Variants in TXNDC11 observed in about 807,000 individuals in gnomAD.
The protein encoded by TXNDC11 is thioredoxin domain containing 11, also known as thioredoxin domain-containing protein 11.
Under a neutral mutation model 78.0 loss-of-function variants are expected in TXNDC11, and 68 were observed. That is an observed-to-expected ratio of 0.87 (90% CI 0.72 to 1.07). The LOEUF is 1.07. Among genes scored for constraint, TXNDC11 ranks in the 50% least tolerant of loss-of-function variants. The pLI, the probability that TXNDC11 is intolerant of heterozygous loss-of-function variation, is 0.00. For missense variants in TXNDC11, 1,389 were observed against 1,221.8 expected (o/e 1.14, Z -2.04); for synonymous variants, 571 against 495.2 (o/e 1.15, Z -2.03).
At chr16:11,697,381 G>C (rs890858458) in intron 7 of TXNDC11, among the ~76,000 whole-genome samples, 2 of 152,136 alleles carry the variant, frequency 1.3e-5, no homozygotes, top group African/African-American at 2.4e-5. Context: ...ATCCTTGAGG[G>C]AGTGAAAAAA....
intron 5 of TXNDC11, among the ~76,000 whole-genome samples, chr16:11,721,091 C>T (rs1339982567): frequency 6.6e-6 from 1 of 151,796 alleles, no homozygotes; most frequent in African/African-American, 2.4e-5. Flanking sequence ...ATATGTGAAA[C>T]AGAACAGTAT....
chr16:11,733,422 G>A (rs548800836), intron 3 of TXNDC11, among the ~76,000 whole-genome samples: 3 of 151,990 alleles, frequency 2.0e-5, no homozygotes, highest in Non-Finnish European at 2.9e-5. Context: ...AACTACTTGG[G>A]AGGCTGAGGC....
chr16:11,740,932 C>T (rs2052372088), intron 1 of TXNDC11, among the ~76,000 whole-genome samples: 1 of 152,166 alleles, frequency 6.6e-6, no homozygotes, highest in Admixed American at 6.5e-5. Flanking sequence ...GGCAATTTTG[C>T]TCCCAGGGGA....
rs766126009 is a variant in TXNDC11 at position 11,736,108 on chromosome 16, A to G, written c.380T>C (p.Val127Ala). The G allele has an allele frequency of 2.5e-6, 4 of 1,614,012 alleles. No individual in the cohort carries two copies. The highest frequency in any genetic ancestry group is 2.2e-5 in the East Asian group (1 of 44,874). ...AGGGGCATAGAAGAAGAGCAGTACC[A>G]CCTCTGAATCCCGTCGAACGTACTC... is the stretch of plus-strand genomic sequence containing the variant. ...YAEYVRRDSEVVLLFFYAPWC... is the reference protein window; with the variant it reads ...YAEYVRRDSEAVLLFFYAPWC... The change falls in exon 2 of 12, where the codon GTG becomes GCG. Residue 127 changes from valine to alanine, a missense_variant. By Grantham distance (64) the Val-to-Ala change is moderately conservative (BLOSUM62 0). Coordinates refer to ENST00000283033, the MANE Select transcript of TXNDC11 (RefSeq NM_015914.7).
Position 11,698,281 on chromosome 16 carries a change from A to G in TXNDC11, c.951T>C (p.Cys317=). The G allele has an allele frequency of 2.5e-6, 4 of 1,614,098 alleles. No individual in the cohort carries two copies. The highest frequency in any genetic ancestry group is 1.1e-5 in the South Asian group (1 of 91,080). Residue 317 remains cysteine (C), a synonymous_variant, in exon 7 of 12, where the codon TGT becomes TGC. Coordinates refer to ENST00000283033, the MANE Select transcript of TXNDC11 (RefSeq NM_015914.7). Reference sequence around the variant, plus strand: ...TCTCCTGGTTTTCTAAGGCCCACTTACAGATGTTCTCAGCTGTGTAGTTCA... The same window carrying G: ...TCTCCTGGTTTTCTAAGGCCCACTTGCAGATGTTCTCAGCTGTGTAGTTCA... ...EVLNYTAENI[C]KWALENQETL... is the part of the protein sequence containing the mutation.
intron 6 of TXNDC11, among the ~76,000 whole-genome samples, chr16:11,700,207 C>A (rs1030737608): frequency 6.6e-6 from 1 of 152,136 alleles, no homozygotes; most frequent in Non-Finnish European, 1.5e-5. Context: ...AAAGTCTGTA[C>A]CAAAATCTAA....
At chr16:11,707,456 T>TC (rs1349596079) in intron 5 of TXNDC11, among the ~76,000 whole-genome samples, 1 of 150,522 alleles carries the variant, frequency 6.6e-6, no homozygotes, top group Non-Finnish European at 1.5e-5. Flanking sequence ...TTTTCCCAAT[T>TC]TTTTTTTTTA....
At chr16:11,680,774 G>A (rs116240650) in intron 11 of TXNDC11, among the ~76,000 whole-genome samples, 3,098 of 152,186 alleles carry the variant, frequency 0.02, 110 homozygotes, top group African/African-American at 0.071. Flanking sequence ...GGACCCGGCC[G>A]TAAATTGTTT....
chr16:11,742,777 C>T lies in TXNDC11; in HGVS notation c.-47G>A, dbSNP rs773998836. The stretch of plus-strand genomic sequence containing the variant: ...TTTATACCGCCGCCGCCGCCTCGGG[C>T]CCGAAGGCCCGGCCCGGCCCGTTGC... On this transcript the variant is annotated 5_prime_UTR_variant, in exon 1 of 12. Transcript: ENST00000283033. 4.8e-5 allele frequency: 68 copies of T among 1,413,010 alleles called. No homozygotes were observed. Among genetic ancestry groups the T allele is most frequent in the Non-Finnish European group, 5.6e-5 (61 of 1,089,752 alleles). 87.5% of individuals were successfully genotyped at this position (1,413,010 alleles called of 1,614,324 possible).
At chr16:11,733,482 G>A (rs1056019541) in intron 3 of TXNDC11, among the ~76,000 whole-genome samples, 4 of 151,606 alleles carry the variant, frequency 2.6e-5, no homozygotes, top group East Asian at 1.9e-4. Flanking sequence ...AGCGGAGATC[G>A]CGCCACTGCA....
intron 5 of TXNDC11, among the ~76,000 whole-genome samples, chr16:11,706,081 G>C (rs1218988821): frequency 2.0e-5 from 3 of 151,986 alleles, no homozygotes; most frequent in Admixed American, 6.6e-5. Context: ...TACTCAAAAA[G>C]GTCTAAAAAC....
At chr16:11,694,364 T>C (rs576024045) in intron 7 of TXNDC11, among the ~76,000 whole-genome samples, 17 of 152,248 alleles carry the variant, frequency 1.1e-4, no homozygotes, top group African/African-American at 3.6e-4. Flanking sequence ...GGTCTCGAAC[T>C]CCTGACCTCA....
rs201691862 is a variant in TXNDC11 at position 11,691,602 on chromosome 16, G to C, written c.1588C>G (p.Pro530Ala). The C allele has an allele frequency of 1.6e-4, 255 of 1,614,036 alleles. No homozygotes were observed. In the Admixed American group the frequency reaches 4.1e-3, roughly 26 times the overall value. Residue 530 changes from proline (P) to alanine (A), a missense_variant, in exon 8 of 12, where the codon CCT becomes GCT. Physicochemically the swap from Pro to Ala is conservative, Grantham distance 27. Coordinates refer to ENST00000283033, the MANE Select transcript of TXNDC11 (RefSeq NM_015914.7). Reference protein sequence around the residue: ...IDSEQGVFEAPTVAFSSLEKK... With the variant: ...IDSEQGVFEAATVAFSSLEKK... Reference sequence around the variant, plus strand: ...TCAAGGGAAGAAAATGCAACAGTAGGGGCTTCAAAGACACCTTGTTCAGAG... The same window carrying C: ...TCAAGGGAAGAAAATGCAACAGTAGCGGCTTCAAAGACACCTTGTTCAGAG...
At chr16:11,732,373 T>G (rs2052081804) in intron 3 of TXNDC11, among the ~76,000 whole-genome samples, 1 of 152,166 alleles carries the variant, frequency 6.6e-6, no homozygotes. Flanking sequence ...ATGCCTTTTT[T>G]CAAAGCCAAA....
At chr16:11,721,446 AT>A in intron 5 of TXNDC11, 130 bp downstream of exon 5, 2 of 536,110 alleles carry the variant, frequency 3.7e-6, no homozygotes, top group South Asian at 4.0e-5. Context: ...CTAAAAAAAA[AT>A]AAAATAAATA....
chr16:11,691,351 G>T lies in TXNDC11; in HGVS notation c.1839C>A (p.Asp613Glu), dbSNP rs772194843. The change falls in exon 8 of 12, where the codon GAC (aspartate) becomes GAA (glutamate). Residue 613 changes from aspartate to glutamate, a missense_variant. Coordinates refer to ENST00000283033, the MANE Select transcript of TXNDC11 (RefSeq NM_015914.7). ...TQVKEFAAIVDVKEESHYILD... is the reference protein window; with the variant it reads ...TQVKEFAAIVEVKEESHYILD... ...AGATGTAATGAGATTCTTCTTTCAC[G>T]TCAACAATTGCCGCAAATTCTTTCA... 23 of 1,614,218 alleles carry T rather than the reference G, an allele frequency of 1.4e-5. No individual in the cohort carries two copies. The East Asian group carries it at 4.9e-4, about 34-fold the overall frequency.
At chr16:11,741,860 C>CT (rs2052405363) in intron 1 of TXNDC11, 1 of 152,236 alleles carries the variant, frequency 6.6e-6, no homozygotes, top group South Asian at 2.1e-4. Context: ...TGGTGAAACT[C>CT]TGTCTCTACT....
chr16:11,680,982 T>C (rs2050409417), intron 11 of TXNDC11, among the ~76,000 whole-genome samples: 2 of 151,854 alleles, frequency 1.3e-5, no homozygotes, highest in South Asian at 4.2e-4. Flanking sequence ...GCCTGGACAA[T>C]ATAGTAAGGC....
In TXNDC11 at chr16:11,721,673, G is replaced by T. The variant is rs755933236; in HGVS notation, c.700-3C>A. On this transcript the variant is annotated splice_polypyrimidine_tract_variant and splice_region_variant and intron_variant, in intron 4 of 11. Coordinates refer to ENST00000283033, the MANE Select transcript of TXNDC11 (RefSeq NM_015914.7). ...TCAAAGTACCCGAGTACTCCAGGCT[G>T]CAGGAAAAAGAGCAGAATTAGGTAA... The T allele has an allele frequency of 8.1e-6, 13 of 1,599,740 alleles. No individual in the cohort carries two copies. Among genetic ancestry groups the T allele is most frequent in the Non-Finnish European group, 1.1e-5 (13 of 1,168,986 alleles).
Sources: gnomAD v4.1 joint callset for allele counts (sites outside exome capture counted in the v4.1 genomes callset) on GRCh38, gnomAD v4.1.1 for gene constraint, MANE v1.5 for transcripts, NCBI Gene and HGNC (gene_info 2026-07-23, HGNC 2026-07-21) for gene names.